The following MFSD6 variants were observed in gnomAD, a reference collection of about 807,000 sequenced individuals.
The protein encoded by MFSD6 is major facilitator superfamily domain-containing protein 6.
MFSD6 carries 26 observed loss-of-function variants against 56.3 expected under a neutral mutation model. The ratio of observed to expected loss-of-function variants is 0.46; its 90% confidence interval spans 0.34 to 0.64. The LOEUF is 0.64. Among genes scored for constraint, MFSD6 ranks in the 30% least tolerant of loss-of-function variants. MFSD6 has a pLI of 0.01. For synonymous variants in MFSD6, 331 were observed against 366.9 expected, an observed-to-expected ratio of 0.90 and a Z score of 1.12; for missense variants, 750 against 986.2, an observed-to-expected ratio of 0.76 and a Z score of 3.21.
rs1403473952 is a variant in MFSD6, at chr2:190,485,460, T to G, written c.1631-3197T>G. ...ATGATTTCCAAATCTGTGTTGGATT[T>G]TGCTATTGAATCTAATTAATTTTGA... On this transcript the variant is annotated intron_variant, in intron 4 of 7. Coordinates refer to ENST00000392328, the MANE Select transcript of MFSD6 (RefSeq NM_017694.4). The surrounding 1 kb of genome is among the most constrained non-coding windows in gnomAD (Gnocchi z 5.1). Among the ~76,000 whole-genome samples the G allele has an allele frequency of 6.6e-6, 1 of 152,180 alleles. No individual in the cohort carries two copies. Among genetic ancestry groups the G allele is most frequent in the Non-Finnish European group, 1.5e-5 (1 of 68,020 alleles).
rs1321809076 is a variant in MFSD6 at position 190,436,267 on chromosome 2, T to A, written c.238T>A (p.Ser80Thr). 3 of 1,614,044 alleles carry A rather than the reference T, an allele frequency of 1.9e-6. No individual in the cohort carries two copies. The South Asian group carries it at 3.3e-5, about 18-fold the overall frequency. ...CAAGGTCTTTTATTTTTTCTTTTAC[T>A]CTGCCTATGGCTCTCTCTATCCCCT... is the stretch of plus-strand genomic sequence containing the variant. ...ISKVFYFFFY[S>T]AYGSLYPLLP... The change falls in exon 3 of 8, where the codon TCT becomes ACT. Residue 80 changes from serine to threonine, a missense_variant. Ser to Thr is a moderately conservative substitution (Grantham distance 58). Transcript: ENST00000392328. The surrounding 1 kb of genome is among the most constrained non-coding windows in gnomAD (Gnocchi z 5.3).
intron 3 of MFSD6, chr2:190,444,744 G>A (rs777709962): frequency 6.5e-5 from 12 of 184,584 alleles, no homozygotes; most frequent in Non-Finnish European, 1.2e-4. Context: ...ATATCATCTT[G>A]TGTAACTTTA....
rs185782250 is a variant in MFSD6, at chr2:190,473,220, A to T, written c.1630+3365A>T. Reference sequence around the variant, plus strand: ...CAGCTAACATCATAATGACAGGATCAAATTCACACATAACAATATTAACCT... The same window carrying T: ...CAGCTAACATCATAATGACAGGATCTAATTCACACATAACAATATTAACCT... On this transcript the variant is annotated intron_variant, in intron 4 of 7. Transcript: ENST00000392328. Among the ~76,000 whole-genome samples, 233 of 152,342 alleles carry T rather than the reference A, an allele frequency of 1.5e-3. 5 individuals are homozygous for T. The highest frequency in any genetic ancestry group is 7.3e-4 in the Non-Finnish European group (50 of 68,040).
In MFSD6 at chr2:190,436,962, G is replaced by A. The variant is rs767870088; in HGVS notation, c.933G>A (p.Thr311=). The A allele has an allele frequency of 1.3e-5, 21 of 1,614,036 alleles. No individual in the cohort carries two copies. The highest frequency in any genetic ancestry group is 3.3e-5 in the South Asian group (3 of 91,076). ...CCTCTTCTGTCACAATCGTAGACACGGTCACACTCCAGTATCTGGGAAAAC... is the reference window on the plus strand; with the variant it reads ...CCTCTTCTGTCACAATCGTAGACACAGTCACACTCCAGTATCTGGGAAAAC... ...FSASSVTIVD[T]VTLQYLGKHR... Residue 311 remains threonine, a synonymous_variant, in exon 3 of 8, where the codon ACG becomes ACA. Coordinates refer to ENST00000392328, the MANE Select transcript of MFSD6 (RefSeq NM_017694.4). This position sits in a 1 kb window ranked among gnomAD's most constrained non-coding sequence, Gnocchi z 5.3.
In MFSD6 at chr2:190,447,567, A is replaced by G. The variant is rs1273993190; in HGVS notation, c.1532+10006A>G. ...AGCCACATTAAAAAATAAATTGCTT[A>G]TATACTTCTTAGTGCCACGTTTTAG... On this transcript the variant is annotated intron_variant, in intron 3 of 7. Coordinates refer to ENST00000392328, the MANE Select transcript of MFSD6 (RefSeq NM_017694.4). The surrounding 1 kb of genome is among the most constrained non-coding windows in gnomAD (Gnocchi z 4.5). Among the ~76,000 whole-genome samples the G allele has an allele frequency of 6.6e-6, 1 of 152,224 alleles. No individual in the cohort carries two copies. The highest frequency in any genetic ancestry group is 2.4e-5 in the African/African-American group (1 of 41,456).
intron 4 of MFSD6, among the ~76,000 whole-genome samples, chr2:190,483,914 A>C: frequency 6.6e-6 from 1 of 152,062 alleles, no homozygotes. Context: ...AGGTTATTCA[A>C]ATGTAATGGA....
In MFSD6 at chr2:190,426,626, C is replaced by T. The variant is rs1172744475; in HGVS notation, c.-53-9351C>T. On this transcript the variant is annotated intron_variant, in intron 2 of 7. Transcript: ENST00000392328. This position sits in a 1 kb window ranked among gnomAD's most constrained non-coding sequence, Gnocchi z 4.7. ...AGGTAACTTTTCAGCCCTCATCCCC[C>T]TCCCATTCTCCCCACTTTTGGAGTC... Among the ~76,000 whole-genome samples, 1 of 152,164 alleles carries T rather than the reference C, an allele frequency of 6.6e-6. No homozygotes were observed. The highest frequency in any genetic ancestry group is 1.5e-5 in the Non-Finnish European group (1 of 68,040).
intron 1 of MFSD6, 75 bp downstream of exon 1, chr2:190,408,578 C>A (rs902140521): frequency 1.3e-5 from 2 of 151,900 alleles, no homozygotes; most frequent in Non-Finnish European, 1.5e-5. Flanking sequence ...CGGGCCCAGC[C>A]GGAGGGCGGG....
In MFSD6 at chr2:190,469,488, TG is replaced by T. The variant is rs1687791464; in HGVS notation, c.1533-269del. ...ACAAATTAAGTTTCAGGAAGGGTGA[TG>T]TTCACTTTTATATTAACAAGCATTT... On this transcript the variant is annotated intron_variant, in intron 3 of 7. Coordinates refer to ENST00000392328, the MANE Select transcript of MFSD6 (RefSeq NM_017694.4). This position sits in a 1 kb window ranked among gnomAD's most constrained non-coding sequence, Gnocchi z 5.3. 1 of 173,802 alleles carries T rather than the reference TG, an allele frequency of 5.8e-6. No homozygotes were observed. The highest frequency in any genetic ancestry group is 2.4e-5 in the African/African-American group (1 of 42,412). The allele number at this position is 173,802 out of a possible 1,614,324, so 10.8% of individuals were successfully genotyped here. A position where few individuals can be genotyped will look rare whatever the true frequency, so the allele number is the denominator to read the frequency against.
rs1018259905 is a variant in MFSD6, at chr2:190,410,566, A to G, written c.-176+2063A>G. Among the ~76,000 whole-genome samples, 3 of 152,234 alleles carry G rather than the reference A, an allele frequency of 2.0e-5. No individual in the cohort carries two copies. Among genetic ancestry groups the G allele is most frequent in the Admixed American group, 6.5e-5 (1 of 15,290 alleles). ...ATATATTTATTACGTATGTATATTA[A>G]TGTGTGTATGTTTACCCTTTTGTCC... On this transcript the variant is annotated intron_variant, in intron 1 of 7. Transcript: ENST00000392328. This position sits in a 1 kb window ranked among gnomAD's most constrained non-coding sequence, Gnocchi z 4.4.
Position 190,499,129 on chromosome 2 carries a change from CAG to C in MFSD6, c.2173-883_2173-882del, listed in dbSNP as rs528536722. 2.6e-5 allele frequency among the ~76,000 whole-genome samples: 4 copies of C among 152,118 alleles called. No individual in the cohort carries two copies. The highest frequency in any genetic ancestry group is 7.2e-5 in the African/African-American group (3 of 41,412). ...CGCCACTGCACTCCGGCCTAGGCGA[CAG>C]AGTGAGACTCCGTCTCAAAATTATA... On this transcript the variant is annotated intron_variant, in intron 7 of 7. Transcript: ENST00000392328. The surrounding 1 kb of genome is among the most constrained non-coding windows in gnomAD (Gnocchi z 6.0).
At chr2:190,449,880 G>A (rs1237890386) in intron 3 of MFSD6, among the ~76,000 whole-genome samples, 24 of 152,170 alleles carry the variant, frequency 1.6e-4, no homozygotes, top group African/African-American at 2.6e-4. Flanking sequence ...GGGGGAAGGG[G>A]GGAGGAATAG....
In MFSD6 at chr2:190,454,002, A is replaced by T. The variant is rs1348634182; in HGVS notation, c.1533-15756A>T. 6.6e-6 allele frequency: 1 copy of T among 152,230 alleles called. No homozygotes were observed. The highest frequency in any genetic ancestry group is 2.4e-5 in the African/African-American group (1 of 41,468). 9.4% of individuals were successfully genotyped at this position (152,230 alleles called of 1,614,324 possible). A position where few individuals can be genotyped will look rare whatever the true frequency, so the allele number is the denominator to read the frequency against. Reference sequence around the variant, plus strand: ...GATTCTTGTATCTTTTATAGGGAAAATGTTTATGTTCAATTTCCTAATTAG... The same window carrying T: ...GATTCTTGTATCTTTTATAGGGAAATTGTTTATGTTCAATTTCCTAATTAG... On this transcript the variant is annotated intron_variant, in intron 3 of 7. Coordinates refer to ENST00000392328, the MANE Select transcript of MFSD6 (RefSeq NM_017694.4). This position sits in a 1 kb window ranked among gnomAD's most constrained non-coding sequence, Gnocchi z 4.6.
rs1687579805 is a variant in MFSD6 at position 190,465,872 on chromosome 2, A to C, written c.1533-3886A>C. Among the ~76,000 whole-genome samples the C allele has an allele frequency of 6.6e-6, 1 of 152,198 alleles. No homozygotes were observed. Among genetic ancestry groups the C allele is most frequent in the South Asian group, 2.1e-4 (1 of 4,832 alleles). ...GCCGGGCCTGGTAGCATGCACCTGT[A>C]ATCTCAGCTACTTGGGAGGCTGAGG... On this transcript the variant is annotated intron_variant, in intron 3 of 7. Coordinates refer to ENST00000392328, the MANE Select transcript of MFSD6 (RefSeq NM_017694.4). The surrounding 1 kb of genome is among the most constrained non-coding windows in gnomAD (Gnocchi z 4.6).
rs1689110278 is a variant in MFSD6 at position 190,487,976 on chromosome 2, C to T, written c.1631-681C>T. Among the ~76,000 whole-genome samples the T allele has an allele frequency of 6.6e-6, 1 of 152,098 alleles. No homozygotes were observed. Among genetic ancestry groups the T allele is most frequent in the African/African-American group, 2.4e-5 (1 of 41,416 alleles). On this transcript the variant is annotated intron_variant, in intron 4 of 7. Coordinates refer to ENST00000392328, the MANE Select transcript of MFSD6 (RefSeq NM_017694.4). This position sits in a 1 kb window ranked among gnomAD's most constrained non-coding sequence, Gnocchi z 5.5. ...GGAGTGCAGTGGCGTGATCTTGGCTCACTGCAACCTCTGCCTCCTGGGTTC... is the reference window on the plus strand; with the variant it reads ...GGAGTGCAGTGGCGTGATCTTGGCTTACTGCAACCTCTGCCTCCTGGGTTC...
At chr2:190,421,150 C>T (rs561435006) in intron 2 of MFSD6, among the ~76,000 whole-genome samples, 21 of 152,290 alleles carry the variant, frequency 1.4e-4, no homozygotes, top group African/African-American at 4.8e-4. Context: ...TTTGAATTAG[C>T]ATATGGGCAT....
At chr2:190,483,057 A>C (rs959779573) in intron 4 of MFSD6, among the ~76,000 whole-genome samples, 1 of 148,198 alleles carries the variant, frequency 6.7e-6, no homozygotes, top group Non-Finnish European at 1.5e-5. Flanking sequence ...GCGCCCGGCT[A>C]ATTTTTTTGT....
intron 2 of MFSD6, among the ~76,000 whole-genome samples, chr2:190,430,167 G>T (rs990156499): frequency 1.7e-4 from 26 of 151,630 alleles, no homozygotes; most frequent in Admixed American, 3.9e-4. Flanking sequence ...CCCTGCAAAG[G>T]ACATGAACGC....
At chr2:190,478,984 A>T (rs1202256153) in intron 4 of MFSD6, among the ~76,000 whole-genome samples, 1 of 152,190 alleles carries the variant, frequency 6.6e-6, no homozygotes, top group African/African-American at 2.4e-5. Context: ...AGCCCCCGCT[A>T]CCCAGCCCTT....
Sources: allele counts gnomAD v4.1 joint callset (sites outside exome capture counted in the v4.1 genomes callset), GRCh38; gene constraint gnomAD v4.1.1; non-coding constraint Gnocchi (gnomAD v3.1); transcripts MANE v1.5; gene names NCBI Gene and HGNC (gene_info 2026-07-23, HGNC 2026-07-21).